Variants in CRYAB observed in about 807,000 individuals in gnomAD.
The protein encoded by CRYAB is alpha-crystallin B chain.
In CRYAB, 9 loss-of-function variants were observed where a neutral mutation model predicts 12.7. The ratio of observed to expected loss-of-function variants is 0.71; its 90% CI spans 0.43 to 1.24. The LOEUF (loss-of-function observed/expected upper bound fraction) is 1.24. CRYAB is among the 50% of genes most tolerant of loss of function. The probability of loss-of-function intolerance (pLI) is 0.00; values close to 1 mark genes in which losing one functional copy is unlikely to be tolerated. For missense variants in CRYAB, 183 were observed against 226.6 expected (o/e 0.81, Z 1.24); for synonymous variants, 93 against 86.8 (o/e 1.07, Z -0.40).
upstream of CRYAB, chr11:111,912,610 G>A (rs1236421510): frequency 6.8e-6 from 4 of 586,364 alleles, no homozygotes; most frequent in Non-Finnish European, 1.2e-5. Flanking sequence ...GTGCGGGGGA[G>A]GGGACTAGGG....
upstream of CRYAB, chr11:111,912,078 G>C (rs1965481152): frequency 3.6e-6 from 1 of 279,982 alleles, no homozygotes; most frequent in Admixed American, 4.5e-5. Context: ...ACGCGGGGTG[G>C]GGGGAGGATG....
intron 2 of CRYAB, among the ~76,000 whole-genome samples, chr11:111,909,492 C>T (rs147179991): frequency 5.3e-5 from 8 of 152,240 alleles, no homozygotes; most frequent in East Asian, 1.9e-4. Context: ...TACTGGTTGA[C>T]GCACAGGTTC....
intron 1 of CRYAB, chr11:111,918,669 C>G: frequency 1.5e-6 from 1 of 682,204 alleles, no homozygotes; most frequent in Non-Finnish European, 2.7e-6. Context: ...GAGCCCTTTT[C>G]TATCTCAGGT....
upstream of CRYAB, chr11:111,912,963 C>A (rs781946235): frequency 1.4e-6 from 2 of 1,480,296 alleles, no homozygotes; most frequent in Non-Finnish European, 1.8e-6. Context: ...CCACCCCCAC[C>A]CCCTGAAATT....
chr11:111,912,788 G>T, upstream of CRYAB: 1 of 1,503,492 alleles, frequency 6.7e-7, no homozygotes, highest in East Asian at 2.4e-5. Flanking sequence ...TGCGCCTGTT[G>T]GGGCTGCACC....
At position 111,908,778 on chromosome 11, in the gene CRYAB, C is replaced by T; in HGVS notation, c.514G>A (p.Ala172Thr). ...AGAAAGGGCATCTATTTCTTGGGGG[C>T]TGCGGTGACAGCAGGCTTCTCTTCA... ...TREEKPAVTAAPKK is the reference protein window; with the variant it reads ...TREEKPAVTATPKK Residue 172 changes from alanine to threonine, a missense_variant, in exon 3 of 3, where the codon GCC becomes ACC. Physicochemically the swap from Ala to Thr is moderately conservative, Grantham distance 58. Coordinates refer to ENST00000650687, the MANE Select transcript of CRYAB (RefSeq NM_001289808.2). 2 of 1,612,690 alleles carry T rather than the reference C, an allele frequency of 1.2e-6. 1 individual carries two copies. Among genetic ancestry groups the T allele is most frequent in the Non-Finnish European group, 1.7e-6 (2 of 1,180,004 alleles).
intron 1 of CRYAB, among the ~76,000 whole-genome samples, chr11:111,919,732 G>T (rs1264907130): frequency 6.6e-6 from 1 of 152,180 alleles, no homozygotes. Flanking sequence ...AGTCAGCTGA[G>T]AAACTGAGGC....
intron 2 of CRYAB, chr11:111,909,381 A>T (rs80059130): frequency 4.2e-4 from 20 of 47,308 alleles, no homozygotes; most frequent in African/African-American, 1.3e-3. Context: ...TGCTGAAATT[A>T]AAAAAAAAAA....
chr11:111,910,374 C>T lies in CRYAB; in HGVS notation c.277G>A (p.Val93Met), dbSNP rs547282752. ...HFSPEELKVK[V>M]LGDVIEVHGK... ...TGCACCTCAATCACATCTCCCAACA[C>T]CTTAACTTTGAGTTCCTCTGGGGAG... The change falls in exon 2 of 3, where the codon GTG becomes ATG. Residue 93 changes from valine (V) to methionine (M), a missense_variant. Transcript: ENST00000650687. 6.2e-7 allele frequency: 1 copy of T among 1,614,226 alleles called. No homozygotes were observed. Among genetic ancestry groups the T allele is most frequent in the Non-Finnish European group, 8.5e-7 (1 of 1,180,030 alleles).
chr11:111,919,123 C>T, intron 1 of CRYAB: 2 of 1,087,488 alleles, frequency 1.8e-6, no homozygotes, highest in Non-Finnish European at 2.7e-6. Context: ...CCTTCCTCTG[C>T]CTGGTACCTC....
Position 111,911,761 on chromosome 11 carries a change from C to A in CRYAB, c.-37G>T. ...GAGTGTGAGGGGTCAGCTGGCTGGTCAGCTCCTTCAGCTGCAGCTACAGCC... is the reference window on the plus strand; with the variant it reads ...GAGTGTGAGGGGTCAGCTGGCTGGTAAGCTCCTTCAGCTGCAGCTACAGCC... On this transcript the variant is annotated 5_prime_UTR_variant, in exon 1 of 3. Coordinates refer to ENST00000650687, the MANE Select transcript of CRYAB (RefSeq NM_001289808.2). 1 of 1,380,020 alleles carries A rather than the reference C, an allele frequency of 7.2e-7. No individual in the cohort carries two copies. Among genetic ancestry groups the A allele is most frequent in the South Asian group, 1.2e-5 (1 of 80,986 alleles). 85.5% of individuals were successfully genotyped at this position (1,380,020 alleles called of 1,614,324 possible).
chr11:111,908,842 T>C lies in CRYAB; in HGVS notation c.450A>G (p.Lys150=). ...DGVLTVNGPR[K]QVSGPERTIP... ...TGGTGCGCTCAGGGCCAGAGACCTG[T>C]TTCCTTGGTCCATTCACAGTGAGGA... Residue 150 remains lysine, a synonymous_variant, in exon 3 of 3, where the codon AAA becomes AAG. Coordinates refer to ENST00000650687, the MANE Select transcript of CRYAB (RefSeq NM_001289808.2). 1.2e-6 allele frequency: 2 copies of C among 1,614,024 alleles called. No individual in the cohort carries two copies.
chr11:111,911,044 G>T (rs1188926401), intron 1 of CRYAB, among the ~76,000 whole-genome samples: 1 of 152,144 alleles, frequency 6.6e-6, no homozygotes, highest in Non-Finnish European at 1.5e-5. Context: ...CCAGGCCAGC[G>T]CCCTGTCGTA....
At chr11:111,915,943 T>C (rs1965591619), upstream of CRYAB, among the ~76,000 whole-genome samples, 1 of 152,104 alleles carries the variant, frequency 6.6e-6, no homozygotes, top group East Asian at 1.9e-4. Context: ...GGTCTCGCCT[T>C]GTTGTCCAGG....
chr11:111,911,973 G>A, upstream of CRYAB: 1 of 509,916 alleles, frequency 2.0e-6, no homozygotes, highest in Non-Finnish European at 3.5e-6. Context: ...GACTTGTCAT[G>A]GTCTTGTTTC....
At chr11:111,913,554 A>G (rs1555165864), upstream of CRYAB, 3 of 1,614,192 alleles carry the variant, frequency 1.9e-6, no homozygotes, top group Admixed American at 5.0e-5. Context: ...GCTTAGGCTC[A>G]GTGAGGGCAA....
At chr11:111,912,950 C>A (rs1555165790), upstream of CRYAB, 3 of 1,120,372 alleles carry the variant, frequency 2.7e-6, no homozygotes, top group Non-Finnish European at 1.2e-6. Flanking sequence ...ACCCCCTTGC[C>A]CCCCACCCCC....
intron 1 of CRYAB, chr11:111,919,200 C>T (rs1775323953): frequency 4.6e-6 from 3 of 646,264 alleles, no homozygotes; most frequent in African/African-American, 1.8e-5. Flanking sequence ...AGTGGCTGGG[C>T]GCGGTGGCTC....
chr11:111,909,519 G>A (rs2137380080), intron 2 of CRYAB, among the ~76,000 whole-genome samples: 1 of 152,312 alleles, frequency 6.6e-6, no homozygotes, highest in South Asian at 2.1e-4. Flanking sequence ...ATCGTTAAAT[G>A]GTGAGAAGCA....
Sources: allele counts gnomAD v4.1 joint callset (sites outside exome capture counted in the v4.1 genomes callset), GRCh38; gene constraint gnomAD v4.1.1; transcripts MANE v1.5; gene names NCBI Gene and HGNC (gene_info 2026-07-23, HGNC 2026-07-21).